Variants in CLVS1 observed in about 807,000 individuals in gnomAD.
CLVS1 encodes clavesin-1.
Under a neutral mutation model 33.1 loss-of-function variants are expected in CLVS1, and 10 were observed. That is an observed-to-expected ratio of 0.30 (90% CI 0.19 to 0.51). CLVS1 has a LOEUF of 0.51. CLVS1 is among the 20% of genes least tolerant of loss of function. CLVS1 has a pLI of 0.97. For missense variants in CLVS1, 343 were observed against 433.4 expected, an observed-to-expected ratio of 0.79 and a Z score of 1.85; for synonymous variants, 163 against 166.1, an observed-to-expected ratio of 0.98 and a Z score of 0.14.
chr8:61,346,675 T>C (rs1204539369), intron 2 of CLVS1, among the ~76,000 whole-genome samples: 1 of 152,178 alleles, frequency 6.6e-6, no homozygotes, highest in African/African-American at 2.4e-5. Flanking sequence ...AAGTATTCAT[T>C]TGACAAACAC....
the CLVS1 span, among the ~76,000 whole-genome samples, chr8:61,018,133 A>C: frequency 6.6e-6 from 1 of 152,154 alleles, no homozygotes; most frequent in African/African-American, 2.4e-5. Flanking sequence ...GAATTTTCTA[A>C]CGTATGCATT....
chr8:61,296,391 A>G (rs1039670146), intron 1 of CLVS1, among the ~76,000 whole-genome samples: 1 of 152,194 alleles, frequency 6.6e-6, no homozygotes, highest in Non-Finnish European at 1.5e-5. Context: ...TTGAACCCAT[A>G]GTAAATTATC....
At chr8:61,085,541 A>T (rs11987923) in intron 1 of CLVS1, among the ~76,000 whole-genome samples, 1 of 152,162 alleles carries the variant, frequency 6.6e-6, no homozygotes, top group African/African-American at 2.4e-5. Context: ...AAGTTCAGGC[A>T]GTTGCACATT....
chr8:61,284,943 C>G (rs904783539), upstream of CLVS1, among the ~76,000 whole-genome samples: 5 of 152,084 alleles, frequency 3.3e-5, no homozygotes, highest in Non-Finnish European at 7.4e-5. Flanking sequence ...AGTGAAAAAG[C>G]AAATAAATAT....
the CLVS1 span, among the ~76,000 whole-genome samples, chr8:61,002,496 AT>A: frequency 6.6e-6 from 1 of 150,896 alleles, no homozygotes; most frequent in Non-Finnish European, 1.5e-5. Flanking sequence ...GCCCGGCTAA[AT>A]TTTTTTTGTA....
rs141671832 is a variant in CLVS1, at chr8:61,317,318, G to A, written c.455+17036G>A. ...ATAGGCAAGTGAGTCAAATGCTGGG[G>A]GAAGCCACTTTTACAATGACCTTAC... On this transcript the variant is annotated intron_variant, in intron 2 of 5. Transcript: ENST00000325897. Among the ~76,000 whole-genome samples the A allele has an allele frequency of 2.4e-3, 364 of 152,206 alleles. 3 individuals are homozygous for A. The highest frequency in any genetic ancestry group is 8.5e-3 in the African/African-American group (352 of 41,514).
At position 61,458,436 on chromosome 8, in the gene CLVS1, G is replaced by A. The variant is rs562615173; in HGVS notation, c.871G>A (p.Asp291Asn). The part of the protein sequence containing the change: ...GTWARTLLGP[D>N]YSDENDYTHT... ...TTGGGCCCGGACGTTACTCGGTCCC[G>A]ACTACAGCGATGAAAATGACTATAC... The change falls in exon 5 of 6, where the codon GAC becomes AAC. Residue 291 changes from aspartate (D) to asparagine (N), a missense_variant. Transcript: ENST00000325897. 18 of 1,613,846 alleles carry A rather than the reference G, an allele frequency of 1.1e-5. No homozygotes were observed. Among genetic ancestry groups the A allele is most frequent in the South Asian group, 3.3e-5 (3 of 91,076 alleles).
chr8:61,109,153 G>C (rs1202115346), intron 1 of CLVS1, among the ~76,000 whole-genome samples: 2 of 152,158 alleles, frequency 1.3e-5, no homozygotes, highest in Admixed American at 6.5e-5. Flanking sequence ...ATTCTGGCTG[G>C]GGTTGGGGTC....
chr8:61,152,073 T>A (rs1413258029), intron 2 of CLVS1, among the ~76,000 whole-genome samples: 2 of 152,228 alleles, frequency 1.3e-5, no homozygotes, highest in Non-Finnish European at 2.9e-5. Flanking sequence ...TCTATCTATA[T>A]GTCTTAGCTC....
At chr8:61,098,714 T>A (rs2129286028) in intron 1 of CLVS1, among the ~76,000 whole-genome samples, 1 of 152,084 alleles carries the variant, frequency 6.6e-6, no homozygotes, top group Admixed American at 6.5e-5. Context: ...GTTGTATGAG[T>A]CAGAGTTGGG....
At chr8:61,204,999 T>C (rs1443838447) in intron 2 of CLVS1, among the ~76,000 whole-genome samples, 1 of 152,204 alleles carries the variant, frequency 6.6e-6, no homozygotes, top group Non-Finnish European at 1.5e-5. Context: ...ATTTTAGAGA[T>C]GGATAGAATT....
At chr8:61,055,838 T>C (rs558724856), upstream of CLVS1, among the ~76,000 whole-genome samples, 99 of 152,358 alleles carry the variant, frequency 6.5e-4, no homozygotes, top group Middle Eastern at 3.4e-3. Context: ...ATCTTGCCCG[T>C]GTAACTCTCC....
At chr8:61,434,064 G>T (rs879185059) in intron 3 of CLVS1, among the ~76,000 whole-genome samples, 4 of 152,166 alleles carry the variant, frequency 2.6e-5, no homozygotes, top group South Asian at 4.1e-4. Context: ...GTGGCTGCAG[G>T]ACATGAAGCT....
chr8:61,202,684 A>T, intron 2 of CLVS1: 1 of 1,542,370 alleles, frequency 6.5e-7, no homozygotes, highest in Non-Finnish European at 8.9e-7. Context: ...AGTGCATATT[A>T]GTGGACAGCA....
intron 1 of CLVS1, among the ~76,000 whole-genome samples, chr8:61,106,310 C>T (rs900315619): frequency 2.0e-5 from 3 of 152,240 alleles, no homozygotes; most frequent in African/African-American, 7.2e-5. Context: ...ACACCAACTA[C>T]AGGTGGATGG....
At chr8:61,108,786 C>G (rs1046521639) in intron 1 of CLVS1, among the ~76,000 whole-genome samples, 1 of 152,188 alleles carries the variant, frequency 6.6e-6, no homozygotes, top group Non-Finnish European at 1.5e-5. Context: ...CTGGTTTTAA[C>G]ATTTCAGAAG....
intron 3 of CLVS1, among the ~76,000 whole-genome samples, chr8:61,446,636 A>G (rs1816766494): frequency 1.3e-5 from 2 of 152,094 alleles, no homozygotes; most frequent in African/African-American, 4.8e-5. Flanking sequence ...TTGGTCTACA[A>G]ATGGTTTTAT....
the CLVS1 span, among the ~76,000 whole-genome samples, chr8:61,040,944 T>C: frequency 0.2 from 30,053 of 151,906 alleles, 3,971 homozygotes; most frequent in African/African-American, 0.38. Flanking sequence ...GTTTTTTTTT[T>C]CTATGGGTTT....
chr8:60,996,935 C>T, the CLVS1 span, among the ~76,000 whole-genome samples: 2 of 151,924 alleles, frequency 1.3e-5, no homozygotes, highest in African/African-American at 4.8e-5. Flanking sequence ...AATTGGACTA[C>T]ATGATTAAAT....
Sources: gnomAD v4.1 joint callset for allele counts (sites outside exome capture counted in the v4.1 genomes callset) on GRCh38, gnomAD v4.1.1 for gene constraint, MANE v1.5 for transcripts, NCBI Gene and HGNC (gene_info 2026-07-23, HGNC 2026-07-21) for gene names.